Variants in GLYATL2 observed in about 807,000 individuals in gnomAD.
GLYATL2 encodes glycine-N-acyltransferase like 2.
A neutral mutation model predicts 21.4 loss-of-function variants in GLYATL2; 25 were observed. The ratio of observed to expected loss-of-function variants is 1.17; its 90% CI spans 0.85 to 1.63. The LOEUF is 1.63. Ranked by LOEUF, GLYATL2 falls within the 40% of genes most tolerant of loss-of-function variation. GLYATL2 has a pLI of 0.00. For synonymous variants in GLYATL2, 114 were observed against 118.2 expected (o/e 0.96, Z 0.23); for missense variants, 361 against 343.3 (o/e 1.05, Z -0.41).
intron 1 of GLYATL2, among the ~76,000 whole-genome samples, chr11:58,890,584 T>A (rs565857210): frequency 6.6e-6 from 1 of 152,302 alleles, no homozygotes; most frequent in African/African-American, 2.4e-5. Flanking sequence ...GATATTTCAT[T>A]TAATTTCCAA....
intron 1 of GLYATL2, among the ~76,000 whole-genome samples, chr11:58,851,203 G>A (rs1292564963): frequency 2.0e-5 from 3 of 152,128 alleles, no homozygotes; most frequent in Non-Finnish European, 4.4e-5. Context: ...GGTGGTAGTG[G>A]TCCCCCGGGC....
At position 58,865,728 on chromosome 11, in the gene GLYATL2, G is replaced by T. The variant is rs1385755229; in HGVS notation, n.61-27360C>A. On this transcript the variant is annotated intron_variant and non_coding_transcript_variant, in intron 1 of 4. Coordinates refer to the GLYATL2 transcript ENST00000533636. ...GCACTTTTTGGTCACAAAGGATGAA[G>T]GAAGAAGGCAGGTGTCTTTCTTAAC... is the stretch of plus-strand genomic sequence containing the variant. Among the ~76,000 whole-genome samples the T allele has an allele frequency of 3.4e-4, 10 of 29,504 alleles. 1 individual carries two copies. In the Admixed American group the frequency reaches 3.5e-3, roughly 10 times the overall value. 19.4% of individuals were successfully genotyped at this position (29,504 alleles called of 152,430 possible).
At chr11:58,870,668 A>C (rs1854101758) in intron 1 of GLYATL2, among the ~76,000 whole-genome samples, 1 of 152,090 alleles carries the variant, frequency 6.6e-6, no homozygotes, top group Non-Finnish European at 1.5e-5. Flanking sequence ...GGATTTTATG[A>C]CTCCTTCAAC....
At position 58,834,767 on chromosome 11, in the gene GLYATL2, C is replaced by G; in HGVS notation, c.547G>C (p.Gly183Arg). The change falls in exon 6 of 6, where the codon GGG becomes CGG. Residue 183 changes from glycine (G) to arginine (R), a missense_variant. Physicochemically the swap from Gly to Arg is moderately radical, Grantham distance 125. Transcript: ENST00000287275. ...TATTTCAAGCTCCTCTCATTTTTCC[C>G]AAAGGCCCAGTGTTCATTCACAAGA... ...AGLVNEHWAF[G>R]KNERSLKYIE... 2 of 1,613,870 alleles carry G rather than the reference C, an allele frequency of 1.2e-6. No individual in the cohort carries two copies. Among genetic ancestry groups the G allele is most frequent in the Non-Finnish European group, 1.7e-6 (2 of 1,179,840 alleles).
At chr11:58,837,854 G>A (rs1420762388) in intron 3 of GLYATL2, among the ~76,000 whole-genome samples, 3 of 152,166 alleles carry the variant, frequency 2.0e-5, no homozygotes, top group Admixed American at 2.0e-4. Context: ...TCATTCCAGA[G>A]CCAGAGTAGT....
intron 1 of GLYATL2, among the ~76,000 whole-genome samples, chr11:58,858,205 A>C (rs1853866773): frequency 6.6e-6 from 1 of 152,124 alleles, no homozygotes; most frequent in Non-Finnish European, 1.5e-5. Flanking sequence ...AACTCCACAA[A>C]GCTTTAAGTT....
At chr11:58,868,831 T>A (rs1854065254) in intron 1 of GLYATL2, among the ~76,000 whole-genome samples, 1 of 149,232 alleles carries the variant, frequency 6.7e-6, no homozygotes, top group Non-Finnish European at 1.5e-5. Context: ...GATAGGTGAC[T>A]GTCATTTGTG....
intron 1 of GLYATL2, among the ~76,000 whole-genome samples, chr11:58,870,519 T>G (rs909949018): frequency 1.3e-5 from 2 of 152,086 alleles, no homozygotes; most frequent in African/African-American, 4.8e-5. Context: ...AGCATTCTGG[T>G]TTTCCATTGA....
intron 1 of GLYATL2, among the ~76,000 whole-genome samples, chr11:58,899,472 C>T (rs1040677890): frequency 1.3e-5 from 2 of 151,952 alleles, no homozygotes; most frequent in African/African-American, 4.8e-5. Flanking sequence ...TGAAAAACAA[C>T]ACATGATTTG....
chr11:58,874,499 C>T (rs563880713), intron 1 of GLYATL2, among the ~76,000 whole-genome samples: 4 of 152,306 alleles, frequency 2.6e-5, no homozygotes, highest in East Asian at 3.9e-4. Flanking sequence ...TCTTTGTTCT[C>T]ATTGGTTTCA....
At chr11:58,860,290 C>T (rs1337631012) in intron 1 of GLYATL2, among the ~76,000 whole-genome samples, 7 of 151,526 alleles carry the variant, frequency 4.6e-5, no homozygotes, top group Non-Finnish European at 7.4e-5. Context: ...TCACTTCCTT[C>T]ATTTATGTTT....
chr11:58,895,776 AG>A (rs5792136), intron 1 of GLYATL2, among the ~76,000 whole-genome samples: 132,067 of 152,058 alleles, frequency 0.87, 58,667 homozygotes, highest in Non-Finnish European at 0.96. Flanking sequence ...GCAAGCCAAA[AG>A]CTTGCATAAG....
At chr11:58,893,771 T>A (rs1022575884) in intron 1 of GLYATL2, among the ~76,000 whole-genome samples, 1 of 152,184 alleles carries the variant, frequency 6.6e-6, no homozygotes, top group African/African-American at 2.4e-5. Context: ...GAACTCTTTA[T>A]GAAACTTGGA....
intron 1 of GLYATL2, among the ~76,000 whole-genome samples, chr11:58,840,362 A>G: frequency 6.6e-6 from 1 of 152,244 alleles, no homozygotes; most frequent in South Asian, 2.1e-4. Flanking sequence ...ATTTATTATA[A>G]TATACTGTAT....
At position 58,858,268 on chromosome 11, in the gene GLYATL2, C is replaced by T. The variant is rs112019740; in HGVS notation, n.61-19900G>A. Among the ~76,000 whole-genome samples the T allele has an allele frequency of 3.0e-3, 451 of 152,252 alleles. 2 individuals are homozygous for T. Among genetic ancestry groups the T allele is most frequent in the African/African-American group, 0.01 (421 of 41,546 alleles). ...CATGGTTCTGACAACTGGAGATGAG[C>T]CTACTTTGGAAACAGCCCCTCTTGC... On this transcript the variant is annotated intron_variant and non_coding_transcript_variant, in intron 1 of 4. Transcript: ENST00000533636.
intron 1 of GLYATL2, among the ~76,000 whole-genome samples, chr11:58,859,687 T>G (rs1001065160): frequency 6.6e-6 from 1 of 152,188 alleles, no homozygotes; most frequent in African/African-American, 2.4e-5. Context: ...CCAAAAATCA[T>G]TGCCCCAACT....
At chr11:58,871,026 T>C (rs1419620623) in intron 1 of GLYATL2, among the ~76,000 whole-genome samples, 2 of 152,228 alleles carry the variant, frequency 1.3e-5, no homozygotes, top group African/African-American at 2.4e-5. Flanking sequence ...CAAGAGTTTT[T>C]ATTTGAATAG....
intron 1 of GLYATL2, among the ~76,000 whole-genome samples, chr11:58,860,157 A>G (rs1284911670): frequency 6.6e-6 from 1 of 152,118 alleles, no homozygotes. Flanking sequence ...GAAGAATGTC[A>G]TTGGTATTTA....
Position 58,880,258 on chromosome 11 carries a change from C to T in GLYATL2, n.60+23898G>A, listed in dbSNP as rs190891668. Reference sequence around the variant, plus strand: ...ATGTTAAGAATATGGGTAGAGAACACTTTTATTTGGGTAGATGTTAGAAGC... The same window carrying T: ...ATGTTAAGAATATGGGTAGAGAACATTTTTATTTGGGTAGATGTTAGAAGC... On this transcript the variant is annotated intron_variant and non_coding_transcript_variant, in intron 1 of 4. Coordinates refer to the GLYATL2 transcript ENST00000533636. 2.3e-3 allele frequency among the ~76,000 whole-genome samples: 346 copies of T among 152,212 alleles called. 3 individuals are homozygous for T. The highest frequency in any genetic ancestry group is 7.0e-3 in the African/African-American group (290 of 41,510).
Sources: gnomAD v4.1 joint callset for allele counts (sites outside exome capture counted in the v4.1 genomes callset) on GRCh38, gnomAD v4.1.1 for gene constraint, MANE v1.5 for transcripts, NCBI Gene and HGNC (gene_info 2026-07-23, HGNC 2026-07-21) for gene names.